The following HDAC9 variants were observed in gnomAD, a reference collection of about 807,000 sequenced individuals.
The protein encoded by HDAC9 is MEF-2 interacting transcription repressor (MITR) protein.
HDAC9 carries 41 observed loss-of-function variants against 139.4 expected under a neutral mutation model. The observed-to-expected ratio is 0.29, with a 90% CI of 0.23 to 0.38. The LOEUF (loss-of-function observed/expected upper bound fraction) is 0.38, where lower values mean the gene tolerates loss of function less well. HDAC9 is among the 10% of genes least tolerant of loss of function. HDAC9 has a pLI of 1.00. For missense variants in HDAC9, 1,147 were observed against 1,297.0 expected, an observed-to-expected ratio of 0.88 and a Z score of 1.78; for synonymous variants, 517 against 476.2, an observed-to-expected ratio of 1.09 and a Z score of -1.12.
At chr7:18,365,954 T>TG (rs1180942360) in intron 1 of HDAC9, among the ~76,000 whole-genome samples, 1 of 145,610 alleles carries the variant, frequency 6.9e-6, no homozygotes, top group East Asian at 1.9e-4. Context: ...TTTCAGTTGT[T>TG]TTTTTTTTTC....
chr7:18,796,565 A>G (rs1249544726), intron 17 of HDAC9, among the ~76,000 whole-genome samples: 2 of 152,314 alleles, frequency 1.3e-5, no homozygotes, highest in East Asian at 3.9e-4. Context: ...AAGTTTTTAA[A>G]CAATACATTT....
chr7:18,802,381 T>C (rs901431299), intron 17 of HDAC9, among the ~76,000 whole-genome samples: 1 of 151,996 alleles, frequency 6.6e-6, no homozygotes, highest in Non-Finnish European at 1.5e-5. Flanking sequence ...TTGATCTGTA[T>C]CATACTAGTT....
chr7:18,375,245 G>A (rs1271102938), intron 1 of HDAC9, among the ~76,000 whole-genome samples: 3 of 152,146 alleles, frequency 2.0e-5, no homozygotes, highest in African/African-American at 4.8e-5. Context: ...TGAGGCAGGC[G>A]GATTACCTCA....
chr7:18,132,408 T>A (rs1051307097), intron 1 of HDAC9, among the ~76,000 whole-genome samples: 4 of 152,126 alleles, frequency 2.6e-5, no homozygotes, highest in Non-Finnish European at 4.4e-5. Context: ...TTGTTTTTGT[T>A]TGTTTGTTTT....
intron 6 of HDAC9, among the ~76,000 whole-genome samples, chr7:18,602,000 GTCC>G: frequency 6.6e-6 from 1 of 152,124 alleles, no homozygotes; most frequent in East Asian, 1.9e-4. Context: ...TTAGGAAGTA[GTCC>G]TCCTATTTTC....
intron 2 of HDAC9, among the ~76,000 whole-genome samples, chr7:18,220,005 AT>A (rs1792586160): frequency 6.6e-6 from 1 of 152,156 alleles, no homozygotes; most frequent in Non-Finnish European, 1.5e-5. Context: ...TTGCCAGATT[AT>A]TTTCAAAACT....
rs1484184066 is a variant in HDAC9 at position 18,799,038 on chromosome 7, AAGACACACACACACACACACAC to A, written c.2322+5588_2322+5609del. On this transcript the variant is annotated intron_variant, in intron 17 of 25. Transcript: ENST00000686413. ...TGGCTAAATATTTAAAATGTGCCCT[AAGACACACACACACACACACAC>A]ACACACACACACACACACACACACA... Among the ~76,000 whole-genome samples, 587 of 143,626 alleles carry A rather than the reference AAGACACACACACACACACACAC, an allele frequency of 4.1e-3. 9 individuals are homozygous for A. The highest frequency in any genetic ancestry group is 0.031 in the East Asian group (146 of 4,770). The allele number at this position is 143,626 out of a possible 152,430, so 94.2% of individuals were successfully genotyped here.
rs192734198 is a variant in HDAC9, at chr7:18,818,006, G to A, written c.2323-11155G>A. Among the ~76,000 whole-genome samples, 714 of 152,212 alleles carry A rather than the reference G, an allele frequency of 4.7e-3. 7 individuals are homozygous for A. Among genetic ancestry groups the A allele is most frequent in the Non-Finnish European group, 7.4e-3 (504 of 68,006 alleles). Reference sequence around the variant, plus strand: ...TTGATAATGCATCGATATGAATTTGGGTAGCTGAAATTTTGGCTTCCAGTG... The same window carrying A: ...TTGATAATGCATCGATATGAATTTGAGTAGCTGAAATTTTGGCTTCCAGTG... On this transcript the variant is annotated intron_variant, in intron 17 of 25. Transcript: ENST00000686413.
At chr7:18,988,341 A>G (rs1168478502) in intron 25 of HDAC9, among the ~76,000 whole-genome samples, 2 of 151,942 alleles carry the variant, frequency 1.3e-5, no homozygotes, top group African/African-American at 4.8e-5. Flanking sequence ...ATTCAGGAGC[A>G]GGTTGTTCAG....
chr7:18,395,899 C>T (rs150158838), intron 1 of HDAC9, among the ~76,000 whole-genome samples: 1,614 of 152,146 alleles, frequency 0.011, 25 homozygotes, highest in African/African-American at 0.037. Flanking sequence ...AGGTAGCTAC[C>T]TTCTTTTGAA....
intron 22 of HDAC9, among the ~76,000 whole-genome samples, chr7:18,932,848 A>G (rs76721038): frequency 7.2e-5 from 10 of 138,318 alleles, no homozygotes; most frequent in East Asian, 4.3e-4. Flanking sequence ...AGGAAGGAAA[A>G]AAAGAAAGAA....
chr7:18,625,612 A>G (rs989204254), intron 6 of HDAC9, among the ~76,000 whole-genome samples: 3 of 152,236 alleles, frequency 2.0e-5, no homozygotes, highest in Non-Finnish European at 4.4e-5. Context: ...CCTATTCTCT[A>G]CTAGTCACTA....
intron 1 of HDAC9, among the ~76,000 whole-genome samples, chr7:18,101,187 A>G (rs541933064): frequency 4.9e-4 from 75 of 152,236 alleles, no homozygotes; most frequent in African/African-American, 1.7e-3. Flanking sequence ...TCCCCCCTCC[A>G]GTACTCTGGC....
intron 12 of HDAC9, among the ~76,000 whole-genome samples, chr7:18,699,185 T>A (rs1343852102): frequency 6.6e-6 from 1 of 152,180 alleles, no homozygotes; most frequent in Admixed American, 6.5e-5. Flanking sequence ...TAAATTTGCA[T>A]TTCTCAACAT....
intron 21 of HDAC9, among the ~76,000 whole-genome samples, chr7:18,849,982 C>T (rs1407510296): frequency 1.3e-5 from 2 of 148,970 alleles, no homozygotes; most frequent in Non-Finnish European, 3.0e-5. Context: ...TTACAGCTAT[C>T]AAAGCAGTAT....
At chr7:18,289,121 G>C (rs1797640296), upstream of HDAC9, among the ~76,000 whole-genome samples, 1 of 152,174 alleles carries the variant, frequency 6.6e-6, no homozygotes, top group South Asian at 2.1e-4. Flanking sequence ...GATTTCAGGT[G>C]TTTGTTCTCA....
chr7:18,409,759 A>G (rs1445467773), intron 1 of HDAC9, among the ~76,000 whole-genome samples: 2 of 152,176 alleles, frequency 1.3e-5, no homozygotes, highest in Non-Finnish European at 2.9e-5. Context: ...AAAAAGTGAT[A>G]AGGGGATTGT....
intron 2 of HDAC9, among the ~76,000 whole-genome samples, chr7:18,511,636 A>G (rs987608950): frequency 1.3e-5 from 2 of 152,064 alleles, no homozygotes; most frequent in Non-Finnish European, 2.9e-5. Context: ...ACAAATATTA[A>G]ATTGTTTAGT....
chr7:18,852,973 G>A (rs575251929), intron 21 of HDAC9, among the ~76,000 whole-genome samples: 1 of 152,100 alleles, frequency 6.6e-6, no homozygotes, highest in African/African-American at 2.4e-5. Context: ...TCATAGTAGG[G>A]GTGCGGGGAG....
Sources: gnomAD v4.1 joint callset for allele counts (sites outside exome capture counted in the v4.1 genomes callset) on GRCh38, gnomAD v4.1.1 for gene constraint, MANE v1.5 for transcripts, NCBI Gene and HGNC (gene_info 2026-07-23, HGNC 2026-07-21) for gene names.